The following ADAMTS17 variants were observed in gnomAD, a reference collection of about 807,000 sequenced individuals.
ADAMTS17 encodes ADAM metallopeptidase with thrombospondin type 1 motif 17.
ADAMTS17 carries 113 observed loss-of-function variants against 141.5 expected under a neutral mutation model. That is an observed-to-expected ratio of 0.80 (90% CI 0.69 to 0.93). The LOEUF (loss-of-function observed/expected upper bound fraction) is 0.93. ADAMTS17 is among the 40% of genes least tolerant of loss of function. The probability of loss-of-function intolerance (pLI) is 0.00; values close to 1 mark genes in which losing one functional copy is unlikely to be tolerated. For synonymous variants in ADAMTS17, 768 were observed against 630.6 expected, an observed-to-expected ratio of 1.22 and a Z score of -3.27; for missense variants, 1,659 against 1,517.9, an observed-to-expected ratio of 1.09 and a Z score of -1.54.
At chr15:100,133,963 T>A (rs1168493709) in intron 10 of ADAMTS17, among the ~76,000 whole-genome samples, 1 of 152,384 alleles carries the variant, frequency 6.6e-6, no homozygotes, top group East Asian at 1.9e-4. Context: ...ATTAAAATAA[T>A]TCCACTAAAA....
At chr15:100,009,244 C>T (rs967310644) in intron 18 of ADAMTS17, among the ~76,000 whole-genome samples, 16 of 152,176 alleles carry the variant, frequency 1.1e-4, no homozygotes, top group African/African-American at 3.9e-4. Context: ...GAGAAAACAA[C>T]TTGGAGAGGC....
chr15:100,267,838 A>G (rs532013932), intron 4 of ADAMTS17, among the ~76,000 whole-genome samples: 154 of 152,374 alleles, frequency 1.0e-3, no homozygotes, highest in African/African-American at 3.6e-3. Flanking sequence ...GGGTAAACAG[A>G]GTACCTATCA....
intron 18 of ADAMTS17, among the ~76,000 whole-genome samples, chr15:100,008,953 C>A (rs978566771): frequency 6.6e-6 from 1 of 152,182 alleles, no homozygotes; most frequent in African/African-American, 2.4e-5. Flanking sequence ...GATCCTTCTA[C>A]CTCAGCCTAC....
At chr15:100,085,473 A>C (rs915182248) in intron 15 of ADAMTS17, among the ~76,000 whole-genome samples, 2 of 150,750 alleles carry the variant, frequency 1.3e-5, no homozygotes, top group Non-Finnish European at 2.9e-5. Flanking sequence ...CCAACACTCA[A>C]ATTCAGGAAA....
chr15:100,158,485 G>A (rs1028871007), intron 8 of ADAMTS17, among the ~76,000 whole-genome samples: 1 of 152,152 alleles, frequency 6.6e-6, no homozygotes, highest in Non-Finnish European at 1.5e-5. Context: ...GCCCTCTGAA[G>A]TTTTTAAGCT....
At chr15:100,063,033 G>A (rs2033239696) in intron 15 of ADAMTS17, among the ~76,000 whole-genome samples, 1 of 152,198 alleles carries the variant, frequency 6.6e-6, no homozygotes, top group Non-Finnish European at 1.5e-5. Context: ...TTGGGCCAAG[G>A]ATACCCTCAG....
chr15:100,241,592 G>A (rs958196239), intron 7 of ADAMTS17, among the ~76,000 whole-genome samples: 3 of 152,200 alleles, frequency 2.0e-5, no homozygotes, highest in African/African-American at 4.8e-5. Context: ...GTCGGCCAAC[G>A]GAGAAAGAGC....
intron 15 of ADAMTS17, among the ~76,000 whole-genome samples, chr15:100,063,141 T>C (rs1437455182): frequency 2.0e-5 from 3 of 152,238 alleles, no homozygotes; most frequent in African/African-American, 7.2e-5. Context: ...TACGGAAAGA[T>C]GCAGGTGTTT....
Position 99,997,595 on chromosome 15 carries a change from A to C in ADAMTS17, c.2592-6T>G. The stretch of plus-strand genomic sequence containing the variant: ...TCCACGGGCCTGCCACCCACCTGCC[A>C]GACGGGAGGAAAGAGAGAGAGAACG... On this transcript the variant is annotated splice_region_variant and splice_polypyrimidine_tract_variant and intron_variant, in intron 18 of 21. Coordinates refer to ENST00000268070, the MANE Select transcript of ADAMTS17 (RefSeq NM_139057.4). This position sits in a 1 kb window ranked among gnomAD's most constrained non-coding sequence, Gnocchi z 4.7. The C allele has an allele frequency of 6.2e-7, 1 of 1,612,774 alleles. No homozygotes were observed. Among genetic ancestry groups the C allele is most frequent in the Non-Finnish European group, 8.5e-7 (1 of 1,179,916 alleles).
At chr15:100,172,839 C>T (rs1358228614) in intron 8 of ADAMTS17, among the ~76,000 whole-genome samples, 2 of 152,204 alleles carry the variant, frequency 1.3e-5, no homozygotes, top group African/African-American at 4.8e-5. Flanking sequence ...AGTAAATTTG[C>T]CTTGCTGAGA....
intron 8 of ADAMTS17, among the ~76,000 whole-genome samples, chr15:100,178,565 C>CTT (rs2040417110): frequency 6.6e-6 from 1 of 152,110 alleles, no homozygotes; most frequent in South Asian, 2.1e-4. Flanking sequence ...TGTAGTTGTA[C>CTT]TTTTACCCAT....
chr15:100,202,831 C>T (rs750401284), intron 7 of ADAMTS17, among the ~76,000 whole-genome samples: 10 of 152,200 alleles, frequency 6.6e-5, no homozygotes, highest in Admixed American at 2.0e-4. Flanking sequence ...TGTGACAAAG[C>T]TCTGCTAATT....
intron 3 of ADAMTS17, among the ~76,000 whole-genome samples, chr15:100,284,183 A>T (rs945645780): frequency 6.6e-6 from 1 of 152,252 alleles, no homozygotes; most frequent in Non-Finnish European, 1.5e-5. Context: ...AGAAAAACTT[A>T]TAAGACCTGT....
intron 3 of ADAMTS17, among the ~76,000 whole-genome samples, chr15:100,294,616 G>A (rs945713781): frequency 1.3e-5 from 2 of 151,980 alleles, no homozygotes; most frequent in Non-Finnish European, 2.9e-5. Context: ...GCTGAGGTCG[G>A]AGGATCACTT....
rs534774481 is a variant in ADAMTS17 at position 99,977,609 on chromosome 15, C to T, written c.2950-1387G>A. Among the ~76,000 whole-genome samples the T allele has an allele frequency of 8.0e-5, 12 of 150,678 alleles. No individual in the cohort carries two copies. In the East Asian group the frequency reaches 2.2e-3, roughly 27 times the overall value. ...TTTTGTATTTTTAGTAGAGACAGGG[C>T]TTCATCATATTGGCCAGACTGGTCT... On this transcript the variant is annotated intron_variant, in intron 20 of 21. Transcript: ENST00000268070.
intron 5 of ADAMTS17, among the ~76,000 whole-genome samples, chr15:100,261,842 G>A (rs1035944294): frequency 2.0e-5 from 3 of 152,164 alleles, no homozygotes; most frequent in Non-Finnish European, 4.4e-5. Context: ...ATAGGTGCAA[G>A]TGAAGACTAT....
chr15:100,251,007 A>T (rs2043136187), intron 7 of ADAMTS17, among the ~76,000 whole-genome samples: 1 of 152,230 alleles, frequency 6.6e-6, no homozygotes, highest in Non-Finnish European at 1.5e-5. Flanking sequence ...TGACTGGCTT[A>T]ATCATTTGTA....
chr15:100,054,176 G>A (rs1185078980), intron 15 of ADAMTS17, 122 bp from the exon 16 acceptor site: 3 of 1,158,116 alleles, frequency 2.6e-6, no homozygotes, highest in South Asian at 2.5e-5. Flanking sequence ...GGGGGAAGGA[G>A]GGAGGCCTGA....
chr15:100,016,342 C>T (rs2061288095), intron 18 of ADAMTS17, among the ~76,000 whole-genome samples: 1 of 152,322 alleles, frequency 6.6e-6, no homozygotes, highest in Non-Finnish European at 1.5e-5. Context: ...TAATAATTAA[C>T]CTCCTGAATA....
Sources: gnomAD v4.1 joint callset for allele counts (sites outside exome capture counted in the v4.1 genomes callset) on GRCh38, gnomAD v4.1.1 for gene constraint, Gnocchi (gnomAD v3.1) non-coding constraint, MANE v1.5 for transcripts, NCBI Gene and HGNC (gene_info 2026-07-23, HGNC 2026-07-21) for gene names.